MGAT5B: variants seen among roughly 807,000 people sequenced by gnomAD.
MGAT5B encodes alpha-1,6-mannosylglycoprotein 6-beta-N-acetylglucosaminyltransferase B, also known as N-acetylglucosaminyl-transferase Vb.
Under a neutral mutation model 95.1 loss-of-function variants are expected in MGAT5B, and 54 were observed. That is an observed-to-expected ratio of 0.57 (90% CI 0.46 to 0.71). The LOEUF (loss-of-function observed/expected upper bound fraction) is 0.71, where lower values mean the gene tolerates loss of function less well. Among genes scored for constraint, MGAT5B ranks in the 30% least tolerant of loss-of-function variants. MGAT5B has a pLI of 0.00. For missense variants in MGAT5B, 935 were observed against 1,088.6 expected, an observed-to-expected ratio of 0.86 and a Z score of 1.99; for synonymous variants, 464 against 451.0, an observed-to-expected ratio of 1.03 and a Z score of -0.36.
chr17:76,946,180 G>A (rs1970023121), intron 15 of MGAT5B, 196 bp from the exon 16 acceptor site: 1 of 516,364 alleles, frequency 1.9e-6, no homozygotes, highest in Non-Finnish European at 3.4e-6. Context: ...CTGAGTCCCG[G>A]AGGGCTACTG....
Position 76,905,017 on chromosome 17 carries a change from T to G in MGAT5B, c.691-152T>G. 2.6e-6 allele frequency: 2 copies of G among 768,514 alleles called. No homozygotes were observed. Among genetic ancestry groups the G allele is most frequent in the Non-Finnish European group, 3.9e-6 (2 of 508,564 alleles). 47.6% of individuals were successfully genotyped at this position (768,514 alleles called of 1,614,324 possible). A position where few individuals can be genotyped will look rare whatever the true frequency, so the allele number is the denominator to read the frequency against. On this transcript the variant is annotated intron_variant, in intron 6 of 17. Transcript: ENST00000569840. This position sits in a 1 kb window ranked among gnomAD's most constrained non-coding sequence, Gnocchi z 4.2. ...TGACAGGGCGGGCAGGGCTCCCTGG[T>G]TTTGGGGGCTAATGAGCCCCTTAGA...
At chr17:76,881,947 G>A (rs778537723) in intron 2 of MGAT5B, among the ~76,000 whole-genome samples, 8 of 152,236 alleles carry the variant, frequency 5.3e-5, no homozygotes, top group South Asian at 2.1e-4. Context: ...TCTGCACTCC[G>A]CCACGATGCT....
rs143038391 is a variant in MGAT5B, at chr17:76,931,790, C to T, written c.1292-855C>T. Among the ~76,000 whole-genome samples the T allele has an allele frequency of 2.9e-3, 441 of 152,238 alleles. 3 individuals are homozygous for T. Among genetic ancestry groups the T allele is most frequent in the Middle Eastern group, 0.02 (6 of 294 alleles). On this transcript the variant is annotated intron_variant, in intron 10 of 17. Transcript: ENST00000569840. ...CATTGAGAGCTGATATGGCCTAGGC[C>T]GGGGTGCAGTCACGGAGAAGGTGGA...
Position 76,906,223 on chromosome 17 carries a change from G to A in MGAT5B, c.1025+36G>A, listed in dbSNP as rs575974918. 3 of 1,565,000 alleles carry A rather than the reference G, an allele frequency of 1.9e-6. No homozygotes were observed. In the South Asian group the frequency reaches 3.6e-5, roughly 19 times the overall value. ...GGGAAAGCCACTGGCATTAAGTGGG[G>A]CAGGGAGGGGATGAAGGGGAACCCC... On this transcript the variant is annotated intron_variant, in intron 8 of 17. Coordinates refer to ENST00000569840, the MANE Select transcript of MGAT5B (RefSeq NM_001199172.2). The surrounding 1 kb of genome is among the most constrained non-coding windows in gnomAD (Gnocchi z 4.6).
At chr17:76,928,834 G>A (rs990703554) in intron 10 of MGAT5B, among the ~76,000 whole-genome samples, 1 of 152,138 alleles carries the variant, frequency 6.6e-6, no homozygotes, top group Admixed American at 6.5e-5. Context: ...CTGAATTCAC[G>A]TCGGAGGACC....
In MGAT5B at chr17:76,938,260, C is replaced by T. The variant is rs1969741012; in HGVS notation, c.1584+117C>T. Reference sequence around the variant, plus strand: ...CCACATATGGACATACCCCAGCATGCTCTGCTGCCCTGAGCCCCACATCTG... The same window carrying T: ...CCACATATGGACATACCCCAGCATGTTCTGCTGCCCTGAGCCCCACATCTG... On this transcript the variant is annotated intron_variant, in intron 13 of 17. Transcript: ENST00000569840. This position sits in a 1 kb window ranked among gnomAD's most constrained non-coding sequence, Gnocchi z 4.3. The T allele has an allele frequency of 1.5e-6, 2 of 1,340,140 alleles. No individual in the cohort carries two copies. The highest frequency in any genetic ancestry group is 1.0e-6 in the Non-Finnish European group (1 of 975,464). The allele number at this position is 1,340,140 out of a possible 1,614,324, so 83.0% of individuals were successfully genotyped here.
chr17:76,868,979 G>C lies in MGAT5B; in HGVS notation c.-51G>C. 6.3e-7 allele frequency: 1 copy of C among 1,576,248 alleles called. No individual in the cohort carries two copies. Among genetic ancestry groups the C allele is most frequent in the African/African-American group, 1.3e-5 (1 of 74,254 alleles). On this transcript the variant is annotated 5_prime_UTR_variant, in exon 1 of 18. Coordinates refer to ENST00000569840, the MANE Select transcript of MGAT5B (RefSeq NM_001199172.2). This position sits in a 1 kb window ranked among gnomAD's most constrained non-coding sequence, Gnocchi z 6.3. ...CGGACGCGGCGAGAGCTGGGCCCAG[G>C]ACGGTGCGTCCGGCCTCGCCCGCGG...
At chr17:76,887,019 G>A (rs1421872456) in intron 3 of MGAT5B, among the ~76,000 whole-genome samples, 1 of 152,142 alleles carries the variant, frequency 6.6e-6, no homozygotes, top group Non-Finnish European at 1.5e-5. Flanking sequence ...ACTCCAGCCT[G>A]GGTGACAGAG....
intron 2 of MGAT5B, among the ~76,000 whole-genome samples, chr17:76,881,454 G>A (rs1204893226): frequency 6.6e-6 from 1 of 152,224 alleles, no homozygotes; most frequent in African/African-American, 2.4e-5. Context: ...GGATGGGGAA[G>A]AGATGGAGTT....
chr17:76,899,381 C>T (rs1248096699), intron 3 of MGAT5B, among the ~76,000 whole-genome samples: 1 of 152,184 alleles, frequency 6.6e-6, no homozygotes, highest in African/African-American at 2.4e-5. Context: ...TGGTGGCTCA[C>T]ACCTGTAATC....
Position 76,932,713 on chromosome 17 carries a change from A to G in MGAT5B, c.1360A>G (p.Ile454Val). The change falls in exon 11 of 18, where the codon ATC becomes GTC. Residue 454 changes from isoleucine (I) to valine (V), a missense_variant. Around this residue, in one of 4 missense-constraint regions of MGAT5B, gnomAD observed 440 missense variants for 523.6 expected, o/e 0.84. Transcript: ENST00000569840. ...GCTCAACGAGACGGAGAAGCGGCTC[A>G]TCAAAGGCGGCAAGGCCAGCAACAT... ...EELNETEKRLIKGGKASNMAV... is the reference protein window; with the variant it reads ...EELNETEKRLVKGGKASNMAV... 1 of 1,614,052 alleles carries G rather than the reference A, an allele frequency of 6.2e-7. No homozygotes were observed. Among genetic ancestry groups the G allele is most frequent in the Non-Finnish European group, 8.5e-7 (1 of 1,179,958 alleles).
In MGAT5B at chr17:76,882,240, C is replaced by G. The variant is rs1967451989; in HGVS notation, c.271C>G (p.Leu91Val). The G allele has an allele frequency of 1.2e-6, 2 of 1,613,686 alleles. No homozygotes were observed. Among genetic ancestry groups the G allele is most frequent in the Non-Finnish European group, 1.7e-6 (2 of 1,179,944 alleles). Residue 91 changes from leucine to valine, a missense_variant, in exon 3 of 18, where the codon CTG becomes GTG. Coordinates refer to ENST00000569840, the MANE Select transcript of MGAT5B (RefSeq NM_001199172.2). ...MVKRMDALAR[L>V]ENSSELHRAG... is the part of the protein sequence containing the mutation. ...GAAGCGCATGGACGCACTGGCCAGGCTGGAGAACAGCAGTGAGCTGCACCG... is the reference window on the plus strand; with the variant it reads ...GAAGCGCATGGACGCACTGGCCAGGGTGGAGAACAGCAGTGAGCTGCACCG...
rs2145219863 is a variant in MGAT5B at position 76,916,928 on chromosome 17, T to C, written c.1026-8038T>C. Among the ~76,000 whole-genome samples the C allele has an allele frequency of 6.6e-6, 1 of 152,168 alleles. No individual in the cohort carries two copies. The highest frequency in any genetic ancestry group is 2.4e-5 in the African/African-American group (1 of 41,522). ...AGGGTCAAACTCAGGGGTTCCCGCC[T>C]CTTAGAAACTGGGGCCAGGGCTGGT... On this transcript the variant is annotated intron_variant, in intron 8 of 17. Transcript: ENST00000569840. The surrounding 1 kb of genome is among the most constrained non-coding windows in gnomAD (Gnocchi z 5.3).
At chr17:76,911,515 A>G (rs1968736791) in intron 8 of MGAT5B, among the ~76,000 whole-genome samples, 1 of 152,236 alleles carries the variant, frequency 6.6e-6, no homozygotes, top group African/African-American at 2.4e-5. Flanking sequence ...GTCTGGCATC[A>G]TGCCCAGGGC....
In MGAT5B at chr17:76,905,330, G is replaced by A. The variant is rs562219293; in HGVS notation, c.852G>A (p.Lys284=). The A allele has an allele frequency of 1.1e-4, 173 of 1,586,834 alleles. 1 individual carries two copies. The South Asian group carries it at 1.8e-3, about 17-fold the overall frequency. Residue 284 remains lysine, a synonymous_variant, in exon 7 of 18, where the codon AAG becomes AAA. Transcript: ENST00000569840. The surrounding 1 kb of genome is among the most constrained non-coding windows in gnomAD (Gnocchi z 4.2). ...TGGGGGCCACCCAGAGGGACCAGAA[G>A]CAGGTGCGTGGCCCCTGCCCCCTCA... ...QKLGATQRDQ[K]QILVHIGFLT...
At chr17:76,926,503 C>A (rs1304797309) in intron 9 of MGAT5B, 94 bp from the exon 10 acceptor site, 1 of 1,286,370 alleles carries the variant, frequency 7.8e-7, no homozygotes, top group Non-Finnish European at 1.1e-6. Flanking sequence ...GACTCCACCA[C>A]TGGCTGGTGA....
intron 5 of MGAT5B, 134 bp from the exon 6 acceptor site, chr17:76,904,118 C>T: frequency 1.2e-6 from 1 of 869,154 alleles, no homozygotes; most frequent in Non-Finnish European, 1.7e-6. Flanking sequence ...TGCCCTGTCC[C>T]CTGTTGCATC....
intron 15 of MGAT5B, among the ~76,000 whole-genome samples, chr17:76,942,825 C>T (rs1368326432): frequency 6.6e-6 from 1 of 152,228 alleles, no homozygotes; most frequent in Admixed American, 6.5e-5. Flanking sequence ...AGCTTCTTCT[C>T]CCACTTCTCC....
Position 76,905,397 on chromosome 17 carries a change from G to T in MGAT5B, c.855+64G>T, listed in dbSNP as rs1406635744. The T allele has an allele frequency of 1.8e-5, 26 of 1,411,476 alleles. No individual in the cohort carries two copies. The highest frequency in any genetic ancestry group is 2.3e-5 in the Non-Finnish European group (24 of 1,052,342). 87.4% of individuals were successfully genotyped at this position (1,411,476 alleles called of 1,614,324 possible). On this transcript the variant is annotated intron_variant, in intron 7 of 17. Transcript: ENST00000569840. The surrounding 1 kb of genome is among the most constrained non-coding windows in gnomAD (Gnocchi z 4.2). The stretch of plus-strand genomic sequence containing the variant: ...AAGCTCAGGGCCCCCACTTCTGAGT[G>T]GGCATGGAATAGGTCTTCAAACAAG...
Sources: gnomAD v4.1 joint callset for allele counts (sites outside exome capture counted in the v4.1 genomes callset) on GRCh38, gnomAD v4.1.1 for gene constraint, gnomAD v4.1.1 regional missense constraint, Gnocchi (gnomAD v3.1) non-coding constraint, MANE v1.5 for transcripts, NCBI Gene and HGNC (gene_info 2026-07-23, HGNC 2026-07-21) for gene names.